The following ATAD2B variants were observed in gnomAD, a reference collection of about 807,000 sequenced individuals.
ATAD2B encodes the protein ATPase family AAA domain-containing protein 2B.
In ATAD2B, 40 loss-of-function variants were observed where a neutral mutation model predicts 167.6. The ratio of observed to expected loss-of-function variants is 0.24; its 90% CI spans 0.19 to 0.31. ATAD2B has a LOEUF of 0.31. Ranked by LOEUF, ATAD2B falls within the 10% of genes least tolerant of loss-of-function variation. The pLI is 1.00. For missense variants in ATAD2B, 1,242 were observed against 1,757.2 expected (o/e 0.71, Z 5.24); for synonymous variants, 579 against 596.5 (o/e 0.97, Z 0.43).
At chr2:23,909,920 T>C in intron 1 of ATAD2B, among the ~76,000 whole-genome samples, 1 of 151,970 alleles carries the variant, frequency 6.6e-6, no homozygotes, top group East Asian at 1.9e-4. Flanking sequence ...TGGAGTGCAG[T>C]GGTATGATCA....
chr2:23,785,828 T>C (rs1229946389), intron 21 of ATAD2B, 199 bp downstream of exon 21: 3 of 482,212 alleles, frequency 6.2e-6, no homozygotes, highest in African/African-American at 2.0e-5. Context: ...GAGGCCAATA[T>C]AAATTGGTCG....
chr2:23,744,285 T>TC (rs1674682020), downstream of ATAD2B, among the ~76,000 whole-genome samples: 1 of 151,116 alleles, frequency 6.6e-6, no homozygotes, highest in Non-Finnish European at 1.5e-5. Context: ...TGGGAGAATT[T>TC]TTTTTTTTTT....
chr2:23,847,369 T>C (rs1691821719), intron 13 of ATAD2B, among the ~76,000 whole-genome samples: 1 of 151,806 alleles, frequency 6.6e-6, no homozygotes, highest in Admixed American at 6.6e-5. Context: ...CCAGGCGTGG[T>C]TGGTACACAC....
intron 24 of ATAD2B, among the ~76,000 whole-genome samples, chr2:23,761,602 T>C (rs1176968121): frequency 6.6e-6 from 1 of 152,210 alleles, no homozygotes; most frequent in Non-Finnish European, 1.5e-5. Flanking sequence ...AGGAAGGCTA[T>C]CTTTAGTGAA....
intron 9 of ATAD2B, among the ~76,000 whole-genome samples, chr2:23,868,168 T>C (rs1488185864): frequency 6.6e-6 from 1 of 152,234 alleles, no homozygotes; most frequent in Non-Finnish European, 1.5e-5. Context: ...ATCGTTAATC[T>C]ATTTGCCCGA....
At chr2:23,693,285 C>T in the ATAD2B span, 1 of 1,542,694 alleles carries the variant, frequency 6.5e-7, no homozygotes, top group Non-Finnish European at 8.8e-7. Flanking sequence ...AGCTGACGGC[C>T]AGCAACTGCC....
intron 19 of ATAD2B, among the ~76,000 whole-genome samples, chr2:23,794,569 A>T (rs1473265848): frequency 6.6e-6 from 1 of 152,130 alleles, no homozygotes; most frequent in Non-Finnish European, 1.5e-5. Context: ...AACTTTTTTG[A>T]TCAAACACCT....
In ATAD2B at chr2:23,769,714, T is replaced by A. The variant is rs1453028564; in HGVS notation, c.3134-4086A>T. ...TGTTTAATGGTGTCTCACTGTGGGT[T>A]TTTTTTTTTTTTTTTTTTTGAGACA... On this transcript the variant is annotated intron_variant, in intron 22 of 27. Coordinates refer to ENST00000238789, the MANE Select transcript of ATAD2B (RefSeq NM_017552.4). 1.0e-4 allele frequency among the ~76,000 whole-genome samples: 11 copies of A among 105,154 alleles called. 1 individual carries two copies. Among genetic ancestry groups the A allele is most frequent in the East Asian group, 2.3e-4 (1 of 4,346 alleles). 69.0% of individuals were successfully genotyped at this position (105,154 alleles called of 152,430 possible).
At chr2:23,758,276 A>C (rs770121377) in intron 24 of ATAD2B, among the ~76,000 whole-genome samples, 175 bp from the exon 25 acceptor site, 1 of 152,228 alleles carries the variant, frequency 6.6e-6, no homozygotes, top group Non-Finnish European at 1.5e-5. Flanking sequence ...AATGGAATGG[A>C]TATGAAGTCA....
the ATAD2B span, among the ~76,000 whole-genome samples, chr2:23,716,365 AT>A: frequency 6.6e-6 from 1 of 152,216 alleles, no homozygotes; most frequent in Non-Finnish European, 1.5e-5. Context: ...TTGTTGAGAA[AT>A]TGGAAATTCC....
intron 22 of ATAD2B, among the ~76,000 whole-genome samples, chr2:23,773,615 T>A (rs1405718143): frequency 6.6e-6 from 1 of 152,214 alleles, no homozygotes; most frequent in South Asian, 2.1e-4. Context: ...CACTTAAAAC[T>A]CTAGGTTTAA....
At chr2:23,688,352 A>G in the ATAD2B span, among the ~76,000 whole-genome samples, 1 of 152,072 alleles carries the variant, frequency 6.6e-6, no homozygotes, top group African/African-American at 2.4e-5. Flanking sequence ...CTCACCCACC[A>G]CTGCCCATGG....
chr2:23,909,858 T>G (rs1193913373), intron 1 of ATAD2B, among the ~76,000 whole-genome samples: 2 of 151,818 alleles, frequency 1.3e-5, no homozygotes, highest in Admixed American at 6.6e-5. Context: ...TGTTTTTTTT[T>G]GTTTGTTTTT....
chr2:23,684,738 G>A, the ATAD2B span, among the ~76,000 whole-genome samples: 5 of 151,602 alleles, frequency 3.3e-5, no homozygotes, highest in Admixed American at 6.6e-5. The surrounding 1 kb of genome is among the most constrained non-coding windows in gnomAD (Gnocchi z 4.4). Flanking sequence ...CCCAGCACCC[G>A]CCCCCACCCA....
chr2:23,855,098 C>A (rs997936182), intron 13 of ATAD2B, among the ~76,000 whole-genome samples: 6 of 151,646 alleles, frequency 4.0e-5, no homozygotes, highest in Admixed American at 1.3e-4. Context: ...AGAGGCTGAG[C>A]CAGGAGAATC....
the ATAD2B span, among the ~76,000 whole-genome samples, chr2:23,710,416 G>A: frequency 6.6e-6 from 1 of 152,180 alleles, no homozygotes; most frequent in Non-Finnish European, 1.5e-5. Flanking sequence ...AAGAAAAATG[G>A]TGGGGAGAGG....
chr2:23,787,981 C>T (rs1304196611), intron 20 of ATAD2B, among the ~76,000 whole-genome samples: 3 of 152,158 alleles, frequency 2.0e-5, no homozygotes, highest in Non-Finnish European at 4.4e-5. Context: ...CAAGAAAAAT[C>T]TAACACTTAA....
the ATAD2B span, among the ~76,000 whole-genome samples, chr2:23,742,267 C>G: frequency 6.6e-6 from 1 of 151,952 alleles, no homozygotes; most frequent in Non-Finnish European, 1.5e-5. Context: ...ATGTTTACAG[C>G]GGCACTATTC....
At chr2:23,867,474 C>T (rs1455625905) in intron 10 of ATAD2B, among the ~76,000 whole-genome samples, 1 of 152,204 alleles carries the variant, frequency 6.6e-6, no homozygotes, top group Non-Finnish European at 1.5e-5. Flanking sequence ...CTCCCTAATG[C>T]CAGCCTTGCT....
Sources: allele counts gnomAD v4.1 joint callset (sites outside exome capture counted in the v4.1 genomes callset), GRCh38; gene constraint gnomAD v4.1.1; non-coding constraint Gnocchi (gnomAD v3.1); transcripts MANE v1.5; gene names NCBI Gene and HGNC (gene_info 2026-07-23, HGNC 2026-07-21).